ZZZ3: variants seen among roughly 807,000 people sequenced by gnomAD.
The protein encoded by ZZZ3 is ZZ-type zinc finger-containing protein 3.
ZZZ3 carries 22 observed loss-of-function variants against 95.2 expected under a neutral mutation model. The observed-to-expected ratio is 0.23, with a 90% confidence interval of 0.17 to 0.33. The LOEUF is 0.33. ZZZ3 is among the 10% of genes least tolerant of loss of function. The probability of loss-of-function intolerance (pLI) is 1.00; values close to 1 mark genes in which losing one functional copy is unlikely to be tolerated. For synonymous variants in ZZZ3, 335 were observed against 358.9 expected (o/e 0.93, Z 0.75); for missense variants, 885 against 1,066.5 (o/e 0.83, Z 2.37).
Position 77,576,196 on chromosome 1 carries a change from G to T in ZZZ3, c.2203C>A (p.Pro735Thr). Residue 735 changes from proline to threonine, a missense_variant, in exon 12 of 15, where the codon CCT becomes ACT. Transcript: ENST00000370801. ...KKSSTSRRQHPLNKHLFKPST... is the reference protein window; with the variant it reads ...KKSSTSRRQHTLNKHLFKPST... ...GGCTTAAAGAGATGCTTATTAAGAG[G>T]GTGCTGTCGTCTGCTTGTTGAAGAC... 6.2e-7 allele frequency: 1 copy of T among 1,605,246 alleles called. No individual in the cohort carries two copies. Among genetic ancestry groups the T allele is most frequent in the Non-Finnish European group, 8.5e-7 (1 of 1,177,298 alleles).
rs200114118 is a variant in ZZZ3, at chr1:77,672,935, AT to A, written c.-403+9649del. ...AACTCTCCAGATTAAAAAACAAGTGATTTTTTTTTAGAAAGTAGGCTAAAAC... is the reference window on the plus strand; with the variant it reads ...AACTCTCCAGATTAAAAAACAAGTGATTTTTTTTAGAAAGTAGGCTAAAAC... On this transcript the variant is annotated intron_variant, in intron 1 of 14. Coordinates refer to ENST00000370801, the MANE Select transcript of ZZZ3 (RefSeq NM_015534.6). Among the ~76,000 whole-genome samples, 984 of 151,704 alleles carry A rather than the reference AT, an allele frequency of 6.5e-3. 9 individuals are homozygous for A. The highest frequency in any genetic ancestry group is 0.022 in the African/African-American group (897 of 41,380).
chr1:77,599,262 T>C (rs1664505826), intron 5 of ZZZ3, among the ~76,000 whole-genome samples: 1 of 152,054 alleles, frequency 6.6e-6, no homozygotes, highest in Non-Finnish European at 1.5e-5. Flanking sequence ...TTTGCTACCT[T>C]ATATTATTCA....
chr1:77,662,141 G>T (rs1246348641), intron 1 of ZZZ3, among the ~76,000 whole-genome samples: 1 of 152,038 alleles, frequency 6.6e-6, no homozygotes, highest in Non-Finnish European at 1.5e-5. Context: ...AGCCTCCCAA[G>T]TAGCTGCGAC....
At position 77,565,449 on chromosome 1, in the gene ZZZ3, G is replaced by A; in HGVS notation, c.*191C>T. On this transcript the variant is annotated 3_prime_UTR_variant, in exon 15 of 15. Coordinates refer to ENST00000370801, the MANE Select transcript of ZZZ3 (RefSeq NM_015534.6). The stretch of plus-strand genomic sequence containing the variant: ...AGGGAAACCTTTGCTCACCAGGAAT[G>A]TTCAGCTGCTGAACAGTGATCTAGA... The A allele has an allele frequency of 2.0e-6, 1 of 510,272 alleles. No individual in the cohort carries two copies. Among genetic ancestry groups the A allele is most frequent in the Non-Finnish European group, 3.3e-6 (1 of 299,926 alleles). 31.6% of individuals were successfully genotyped at this position (510,272 alleles called of 1,614,324 possible). A position where few individuals can be genotyped will look rare whatever the true frequency, so the allele number is the denominator to read the frequency against.
intron 1 of ZZZ3, among the ~76,000 whole-genome samples, chr1:77,646,027 T>A (rs1234093627): frequency 6.6e-6 from 1 of 152,022 alleles, no homozygotes; most frequent in Non-Finnish European, 1.5e-5. Flanking sequence ...CATACAATCT[T>A]CATTTATCAA....
At chr1:77,618,082 A>G (rs773752305) in intron 5 of ZZZ3, among the ~76,000 whole-genome samples, 1 of 152,132 alleles carries the variant, frequency 6.6e-6, no homozygotes, top group Non-Finnish European at 1.5e-5. Flanking sequence ...GTGTTTCCAT[A>G]TCTTATTTTA....
chr1:77,644,594 T>G (rs1018500934), intron 1 of ZZZ3, among the ~76,000 whole-genome samples: 1 of 152,204 alleles, frequency 6.6e-6, no homozygotes, highest in Non-Finnish European at 1.5e-5. Context: ...GAAATGTGAT[T>G]CTCTGTCATC....
At chr1:77,599,026 T>C (rs1664480052) in intron 5 of ZZZ3, among the ~76,000 whole-genome samples, 1 of 152,138 alleles carries the variant, frequency 6.6e-6, no homozygotes, top group Non-Finnish European at 1.5e-5. Flanking sequence ...GACGACAAAT[T>C]CAAGGGCAAC....
At chr1:77,608,147 G>T (rs1665439244) in intron 5 of ZZZ3, among the ~76,000 whole-genome samples, 1 of 152,078 alleles carries the variant, frequency 6.6e-6, no homozygotes, top group Non-Finnish European at 1.5e-5. Flanking sequence ...AGGTATCCAA[G>T]TACAAGAAGG....
intron 5 of ZZZ3, 166 bp from the exon 6 acceptor site, chr1:77,584,821 A>G (rs923686383): frequency 7.0e-6 from 3 of 426,812 alleles, no homozygotes; most frequent in Non-Finnish European, 1.2e-5. Context: ...TTCCTGAGTT[A>G]CGAAGTACCT....
At chr1:77,595,707 T>C (rs1664151583) in intron 5 of ZZZ3, among the ~76,000 whole-genome samples, 1 of 151,988 alleles carries the variant, frequency 6.6e-6, no homozygotes, top group African/African-American at 2.4e-5. Flanking sequence ...ACATTTGCAT[T>C]TGGAAGGCTA....
Position 77,582,108 on chromosome 1 carries a change from A to T in ZZZ3, c.1663T>A (p.Tyr555Asn), listed in dbSNP as rs1359342626. Residue 555 changes from tyrosine (Y) to asparagine (N), a missense_variant, in exon 7 of 15, where the codon TAT (tyrosine) becomes AAT (asparagine). Coordinates refer to ENST00000370801, the MANE Select transcript of ZZZ3 (RefSeq NM_015534.6). ...GGCAATTGAACAACTCTCTGTGGAT[A>T]TGGAAGCCCAATATCAGCCTGGAGG... ...LQKKADIGLP[Y>N]PQRVVQLPEI... is the part of the protein sequence containing the mutation. 2 of 1,609,396 alleles carry T rather than the reference A, an allele frequency of 1.2e-6. No homozygotes were observed. The highest frequency in any genetic ancestry group is 1.1e-5 in the South Asian group (1 of 89,288).
chr1:77,681,840 A>G (rs1385021084), intron 1 of ZZZ3, among the ~76,000 whole-genome samples: 1 of 151,354 alleles, frequency 6.6e-6, no homozygotes, highest in Non-Finnish European at 1.5e-5. Context: ...CGGAGGTTGC[A>G]ATGAGCCGAG....
chr1:77,620,539 T>G (rs770032132), intron 5 of ZZZ3, among the ~76,000 whole-genome samples: 2 of 145,780 alleles, frequency 1.4e-5, no homozygotes, highest in Non-Finnish European at 3.1e-5. Context: ...GGAAGGAAAC[T>G]GAGCTGAATC....
chr1:77,646,296 T>C (rs1669266206), intron 1 of ZZZ3, among the ~76,000 whole-genome samples: 1 of 152,050 alleles, frequency 6.6e-6, no homozygotes. Context: ...CACCACTCAC[T>C]GCAGCCTTCG....
chr1:77,642,078 G>T (rs1378704085), intron 1 of ZZZ3, among the ~76,000 whole-genome samples: 1 of 152,102 alleles, frequency 6.6e-6, no homozygotes, highest in Non-Finnish European at 1.5e-5. Context: ...GATAATGACG[G>T]TCCTTTAAAT....
chr1:77,600,441 G>A (rs1664622894), intron 5 of ZZZ3, among the ~76,000 whole-genome samples: 2 of 152,146 alleles, frequency 1.3e-5, no homozygotes, highest in African/African-American at 4.8e-5. Flanking sequence ...GAGGATATCA[G>A]TCAAGGGAGA....
intron 5 of ZZZ3, among the ~76,000 whole-genome samples, chr1:77,631,129 G>C (rs1667769899): frequency 6.6e-6 from 1 of 152,120 alleles, no homozygotes; most frequent in South Asian, 2.1e-4. Flanking sequence ...ATCTAGGCAA[G>C]AAATATTGTG....
At chr1:77,623,278 C>T (rs946189107) in intron 5 of ZZZ3, among the ~76,000 whole-genome samples, 3 of 152,036 alleles carry the variant, frequency 2.0e-5, no homozygotes, top group Admixed American at 6.6e-5. Context: ...ATTTGTGGGA[C>T]GGAGTATCAA....
Sources: gnomAD v4.1 joint callset for allele counts (sites outside exome capture counted in the v4.1 genomes callset) on GRCh38, gnomAD v4.1.1 for gene constraint, MANE v1.5 for transcripts, NCBI Gene and HGNC (gene_info 2026-07-23, HGNC 2026-07-21) for gene names.